Variants in SEC24C observed in about 807,000 individuals in gnomAD.
SEC24C encodes protein transport protein Sec24C.
In SEC24C, 22 loss-of-function variants were observed where a neutral mutation model predicts 117.0. The ratio of observed to expected loss-of-function variants is 0.19; its 90% CI spans 0.13 to 0.27. SEC24C has a LOEUF of 0.27. SEC24C is among the 10% of genes least tolerant of loss of function. SEC24C has a pLI of 1.00. For missense variants in SEC24C, 1,155 were observed against 1,375.1 expected, an observed-to-expected ratio of 0.84 and a Z score of 2.53; for synonymous variants, 506 against 529.4, an observed-to-expected ratio of 0.96 and a Z score of 0.61.
rs2082868309 is a variant in SEC24C at position 73,765,463 on chromosome 10, G to A, written c.1240G>A (p.Val414Ile). 1 of 1,613,360 alleles carries A rather than the reference G, an allele frequency of 6.2e-7. No homozygotes were observed. Among genetic ancestry groups the A allele is most frequent in the South Asian group, 1.1e-5 (1 of 91,074 alleles). ...CTTTGCGCCTTAGGCTTCACCGTATGTTGTGGACCATGGGGAATCTGGCCC... is the reference window on the plus strand; with the variant it reads ...CTTTGCGCCTTAGGCTTCACCGTATATTGTGGACCATGGGGAATCTGGCCC... ...RLPPEEASPY[V>I]VDHGESGPLR... The change falls in exon 9 of 23, where the codon GTT becomes ATT. Residue 414 changes from valine (V) to isoleucine (I), a missense_variant. By Grantham distance (29) the Val-to-Ile change is conservative. Coordinates refer to ENST00000345254, the MANE Select transcript of SEC24C (RefSeq NM_198597.3).
rs751417221 is a variant in SEC24C at position 73,760,261 on chromosome 10, G to C, written c.725G>C (p.Ser242Thr). 2 of 1,613,996 alleles carry C rather than the reference G, an allele frequency of 1.2e-6. No individual in the cohort carries two copies. Among genetic ancestry groups the C allele is most frequent in the Non-Finnish European group, 1.7e-6 (2 of 1,180,012 alleles). Residue 242 changes from serine (S) to threonine (T), a missense_variant, in exon 5 of 23, where the codon AGC (serine) becomes ACC (threonine). This residue lies in a region of SEC24C where 396 missense variants were observed against 382.8 expected (regional missense o/e 1.03). Coordinates refer to ENST00000345254, the MANE Select transcript of SEC24C (RefSeq NM_198597.3). ...CAGAGTTTTGGAGGGCCCTCAGTGA[G>C]CCAGCCCAACCATGTGTCTTCACCT... ...PGQSFGGPSV[S>T]QPNHVSSPPQ...
chr10:73,758,556 T>C (rs1357163238), intron 3 of SEC24C, among the ~76,000 whole-genome samples: 1 of 152,204 alleles, frequency 6.6e-6, no homozygotes, highest in Non-Finnish European at 1.5e-5. Flanking sequence ...TGTTTAGCTA[T>C]TCCCCCATTC....
rs1254605259 is a variant in SEC24C, at chr10:73,766,407, G to A, written c.1665G>A (p.Val555=). The change falls in exon 12 of 23, where the codon GTG becomes GTA. Residue 555 remains valine, a synonymous_variant. Coordinates refer to ENST00000345254, the MANE Select transcript of SEC24C (RefSeq NM_198597.3). The stretch of plus-strand genomic sequence containing the variant: ...TTGGCTTTGTCACCTACAATAAGGT[G>A]CTCCACTTCTATAATGTGAAGAGCT... ...IRVGFVTYNK[V]LHFYNVKSSL... 1 of 1,614,064 alleles carries A rather than the reference G, an allele frequency of 6.2e-7. No homozygotes were observed. Among genetic ancestry groups the A allele is most frequent in the Admixed American group, 1.7e-5 (1 of 60,008 alleles).
chr10:73,766,035 A>G, intron 10 of SEC24C, 51 bp from the exon 11 acceptor site: 1 of 1,604,748 alleles, frequency 6.2e-7, no homozygotes, highest in Non-Finnish European at 8.5e-7. Flanking sequence ...CTCTATAGTC[A>G]ACTGGCCTGC....
At chr10:73,763,458 T>G (rs1317034128) in intron 6 of SEC24C, 32 bp from the exon 7 acceptor site, 1 of 1,425,288 alleles carries the variant, frequency 7.0e-7, no homozygotes. Flanking sequence ...TCCTTTTTCT[T>G]CTGTCACCTC....
intron 3 of SEC24C, among the ~76,000 whole-genome samples, chr10:73,754,226 C>G (rs2082680224): frequency 6.6e-6 from 1 of 152,012 alleles, no homozygotes; most frequent in Admixed American, 6.6e-5. Context: ...ACCAGCCTGG[C>G]TAACATGGTG....
chr10:73,757,360 T>TA (rs147636644), intron 3 of SEC24C, among the ~76,000 whole-genome samples: 30,667 of 137,524 alleles, frequency 0.22, 4,140 homozygotes, highest in East Asian at 0.52. Context: ...CCTGTCGCTA[T>TA]AAAAAAAAAA....
At chr10:73,754,941 C>T (rs575211534) in intron 3 of SEC24C, among the ~76,000 whole-genome samples, 1 of 152,122 alleles carries the variant, frequency 6.6e-6, no homozygotes, top group East Asian at 1.9e-4. Context: ...CGAGACAAGC[C>T]TGGGCAACAT....
At position 73,768,797 on chromosome 10, in the gene SEC24C, T is replaced by TG; in HGVS notation, c.2182-8dup. On this transcript the variant is annotated splice_polypyrimidine_tract_variant and intron_variant, in intron 15 of 22. Transcript: ENST00000345254. ...CTAGTCAGTGACATGACTCTGGACCTGGGGGCCTGCAGGTGGAGAACGACC... is the reference window on the plus strand; with the variant it reads ...CTAGTCAGTGACATGACTCTGGACCTGGGGGGCCTGCAGGTGGAGAACGACC... The TG allele has an allele frequency of 1.2e-6, 2 of 1,612,620 alleles. No homozygotes were observed. The highest frequency in any genetic ancestry group is 1.7e-6 in the Non-Finnish European group (2 of 1,179,880).
At chr10:73,761,541 A>G (rs1015674506) in intron 6 of SEC24C, among the ~76,000 whole-genome samples, 14 of 152,132 alleles carry the variant, frequency 9.2e-5, no homozygotes, top group African/African-American at 3.4e-4. Flanking sequence ...CACCTGTAAC[A>G]TTTGCTATGT....
At chr10:73,752,887 T>C (rs904655102) in intron 3 of SEC24C, among the ~76,000 whole-genome samples, 34 of 152,078 alleles carry the variant, frequency 2.2e-4, no homozygotes, top group African/African-American at 8.2e-4. Flanking sequence ...AATTATTATA[T>C]AGCAAACTCC....
intron 3 of SEC24C, among the ~76,000 whole-genome samples, chr10:73,754,330 G>T (rs1477577210): frequency 6.6e-6 from 1 of 152,058 alleles, no homozygotes; most frequent in Non-Finnish European, 1.5e-5. Context: ...CAGGAGAATC[G>T]CTTGAACCCA....
chr10:73,765,970 G>A, intron 10 of SEC24C, 55 bp downstream of exon 10: 1 of 1,581,688 alleles, frequency 6.3e-7, no homozygotes, highest in Non-Finnish European at 8.7e-7. Flanking sequence ...AGACAGCTGA[G>A]AATGGCTGTT....
intron 14 of SEC24C, among the ~76,000 whole-genome samples, chr10:73,767,388 G>A (rs931742878): frequency 1.3e-5 from 2 of 152,132 alleles, no homozygotes; most frequent in Admixed American, 1.3e-4. Flanking sequence ...AGAACTTTTG[G>A]CCGGGCATGA....
intron 2 of SEC24C, among the ~76,000 whole-genome samples, chr10:73,747,442 T>C (rs560807724): frequency 4.1e-4 from 62 of 150,892 alleles, no homozygotes; most frequent in African/African-American, 1.5e-3. Flanking sequence ...AACCTCCACC[T>C]TCCAGGTTCA....
At chr10:73,752,353 A>C (rs1387707282) in intron 3 of SEC24C, among the ~76,000 whole-genome samples, 1 of 152,136 alleles carries the variant, frequency 6.6e-6, no homozygotes, top group Non-Finnish European at 1.5e-5. Context: ...AAAACTCCTG[A>C]GCTCAAGCAA....
At position 73,746,909 on chromosome 10, in the gene SEC24C, C is replaced by A. The variant is rs200368868; in HGVS notation, c.77C>A (p.Ser26Tyr). ...PQPIYPGYHQ[S>Y]SYGGQSGSTA... is the part of the protein sequence containing the mutation. ...CCCATCTACCCAGGGTATCATCAGT[C>A]CAGCTATGGTGGGCAATCAGGGTCC... Residue 26 changes from serine to tyrosine, a missense_variant, in exon 2 of 23, where the codon TCC becomes TAC. Ser to Tyr is a moderately radical substitution (Grantham distance 144). Coordinates refer to ENST00000345254, the MANE Select transcript of SEC24C (RefSeq NM_198597.3). The A allele has an allele frequency of 1.9e-6, 3 of 1,614,072 alleles. No homozygotes were observed. The highest frequency in any genetic ancestry group is 1.1e-5 in the South Asian group (1 of 91,010).
intron 1 of SEC24C, among the ~76,000 whole-genome samples, chr10:73,745,022 GA>G (rs2082525117): frequency 6.6e-6 from 1 of 152,122 alleles, no homozygotes; most frequent in African/African-American, 2.4e-5. Flanking sequence ...GGGTTTGGAA[GA>G]ACAGCTATTG....
chr10:73,760,153 C>T lies in SEC24C; in HGVS notation c.617C>T (p.Ala206Val). 1 of 1,614,162 alleles carries T rather than the reference C, an allele frequency of 6.2e-7. No individual in the cohort carries two copies. The highest frequency in any genetic ancestry group is 8.5e-7 in the Non-Finnish European group (1 of 1,180,016). ...GGGATCCAGACTCCCCAGCGATCTGCCCCATCACAGGCCTCCAGCTTCACA... is the reference window on the plus strand; with the variant it reads ...GGGATCCAGACTCCCCAGCGATCTGTCCCATCACAGGCCTCCAGCTTCACA... ...HPGIQTPQRSAPSQASSFTPP... is the reference protein window; with the variant it reads ...HPGIQTPQRSVPSQASSFTPP... Residue 206 changes from alanine to valine, a missense_variant, in exon 5 of 23, where the codon GCC becomes GTC. By Grantham distance (64) the Ala-to-Val change is moderately conservative. This residue lies in a region of SEC24C where 396 missense variants were observed against 382.8 expected (regional missense o/e 1.03). Transcript: ENST00000345254.
Sources: gnomAD v4.1 joint callset for allele counts (sites outside exome capture counted in the v4.1 genomes callset) on GRCh38, gnomAD v4.1.1 for gene constraint, gnomAD v4.1.1 regional missense constraint, MANE v1.5 for transcripts, NCBI Gene and HGNC (gene_info 2026-07-23, HGNC 2026-07-21) for gene names.